The following MAPKBP1 variants were observed in gnomAD, a reference collection of about 807,000 sequenced individuals.
MAPKBP1 encodes mitogen-activated protein kinase-binding protein 1.
MAPKBP1 carries 71 observed loss-of-function variants against 170.5 expected under a neutral mutation model. The observed-to-expected ratio is 0.42, with a 90% CI of 0.34 to 0.51. MAPKBP1 has a LOEUF of 0.51. Ranked by LOEUF, MAPKBP1 falls within the 20% of genes least tolerant of loss-of-function variation. The probability of loss-of-function intolerance (pLI) is 0.06; values close to 1 mark genes in which losing one functional copy is unlikely to be tolerated. For synonymous variants in MAPKBP1, 719 were observed against 757.9 expected, an observed-to-expected ratio of 0.95 and a Z score of 0.84; for missense variants, 1,598 against 1,933.0, an observed-to-expected ratio of 0.83 and a Z score of 3.25.
In MAPKBP1 at chr15:41,817,851, C is replaced by A; in HGVS notation, c.1904+116C>A. ...GTACAGGACTTTGTACCCCCTTGAG[C>A]CTACAGTACTTTGCTTCACCCAAGA... On this transcript the variant is annotated intron_variant, in intron 16 of 30. Transcript: ENST00000457542. The surrounding 1 kb of genome is among the most constrained non-coding windows in gnomAD (Gnocchi z 4.2). 1 of 1,562,686 alleles carries A rather than the reference C, an allele frequency of 6.4e-7. No homozygotes were observed. Among genetic ancestry groups the A allele is most frequent in the Non-Finnish European group, 8.8e-7 (1 of 1,142,364 alleles).
chr15:41,825,612 C>T lies in MAPKBP1; in HGVS notation c.*176C>T. On this transcript the variant is annotated 3_prime_UTR_variant, in exon 31 of 31. Coordinates refer to ENST00000457542, the MANE Select transcript of MAPKBP1 (RefSeq NM_014994.3). ...GGGGCCTGTATTTATTAATTTATTT[C>T]CCTGACTGTTGCCTCACTTCCTTGG... 1.8e-6 allele frequency: 1 copy of T among 548,638 alleles called. No homozygotes were observed. Among genetic ancestry groups the T allele is most frequent in the African/African-American group, 1.9e-5 (1 of 51,746 alleles). 34.0% of individuals were successfully genotyped at this position (548,638 alleles called of 1,614,324 possible).
At position 41,825,433 on chromosome 15, in the gene MAPKBP1, C is replaced by CT. The variant is rs1596103970; in HGVS notation, c.4525dup (p.Ter1509LeufsTer101). On this transcript the variant is annotated frameshift_variant, in exon 31 of 31. Coordinates refer to ENST00000457542, the MANE Select transcript of MAPKBP1 (RefSeq NM_014994.3). LOFTEE classifies it high-confidence loss of function. ...TGGAACGGCGTATGGAACGCAAACT[C>CT]TGAGTTCTGGAAGCCTGTCCCAAGT... 4 of 1,601,256 alleles carry CT rather than the reference C, an allele frequency of 2.5e-6. No homozygotes were observed. The highest frequency in any genetic ancestry group is 3.4e-6 in the Non-Finnish European group (4 of 1,170,832).
intron 22 of MAPKBP1, among the ~76,000 whole-genome samples, chr15:41,820,264 C>T (rs1484841820): frequency 2.6e-5 from 4 of 152,100 alleles, no homozygotes; most frequent in Admixed American, 1.3e-4. Context: ...TCTGGAGCAC[C>T]CTGACCGGGC....
chr15:41,820,228 TCACAG>T (rs2064971832), intron 22 of MAPKBP1, among the ~76,000 whole-genome samples: 1 of 152,102 alleles, frequency 6.6e-6, no homozygotes, highest in Non-Finnish European at 1.5e-5. Flanking sequence ...AGCAACAGTT[TCACAG>T]AGTGATGATG....
chr15:41,822,215 C>T lies in MAPKBP1; in HGVS notation c.3032-10C>T. 1 of 1,609,752 alleles carries T rather than the reference C, an allele frequency of 6.2e-7. No homozygotes were observed. The highest frequency in any genetic ancestry group is 8.5e-7 in the Non-Finnish European group (1 of 1,177,180). On this transcript the variant is annotated splice_polypyrimidine_tract_variant and intron_variant, in intron 25 of 30. Coordinates refer to ENST00000457542, the MANE Select transcript of MAPKBP1 (RefSeq NM_014994.3). Reference sequence around the variant, plus strand: ...GCAGTGCGATGCCTCTCTCCCCTCCCCACACCCAGACTCTGAGAGCACGGA... The same window carrying T: ...GCAGTGCGATGCCTCTCTCCCCTCCTCACACCCAGACTCTGAGAGCACGGA...
Position 41,817,006 on chromosome 15 carries a change from C to T in MAPKBP1, c.1682C>T (p.Ser561Leu), listed in dbSNP as rs2064903280. Reference protein sequence around the residue: ...YSLQQTLDEHSSSITAVKFAA... With the variant: ...YSLQQTLDEHLSSITAVKFAA... ...CTACAGCAGACGCTGGACGAACACT[C>T]ATCCTCCATCACTGCTGTTAAGTTT... Residue 561 changes from serine (S) to leucine (L), a missense_variant, in exon 14 of 31, where the codon TCA (serine) becomes TTA (leucine). Transcript: ENST00000457542. This position sits in a 1 kb window ranked among gnomAD's most constrained non-coding sequence, Gnocchi z 4.2. The T allele has an allele frequency of 6.2e-7, 1 of 1,605,886 alleles. No homozygotes were observed. Among genetic ancestry groups the T allele is most frequent in the Non-Finnish European group, 8.5e-7 (1 of 1,174,142 alleles).
intron 3 of MAPKBP1, among the ~76,000 whole-genome samples, chr15:41,810,033 G>A (rs1016296193): frequency 6.6e-6 from 1 of 152,116 alleles, no homozygotes; most frequent in African/African-American, 2.4e-5. Flanking sequence ...CCCCTGCCTC[G>A]CCTCCCACTT....
intron 2 of MAPKBP1, among the ~76,000 whole-genome samples, chr15:41,779,868 G>A (rs2064155611): frequency 6.6e-6 from 1 of 152,236 alleles, no homozygotes; most frequent in South Asian, 2.1e-4. Flanking sequence ...TAAGGCTTGT[G>A]AAGTGTCTTG....
chr15:41,815,495 GC>G, intron 11 of MAPKBP1, 90 bp downstream of exon 11: 2 of 1,567,528 alleles, frequency 1.3e-6, no homozygotes, highest in Non-Finnish European at 1.7e-6. Flanking sequence ...TGGTCCCTAG[GC>G]CTTGGCCTTC....
In MAPKBP1 at chr15:41,822,015, C is replaced by T; in HGVS notation, c.2936C>T (p.Pro979Leu). The change falls in exon 25 of 31, where the codon CCA becomes CTA. Residue 979 changes from proline to leucine, a missense_variant. Physicochemically the swap from Pro to Leu is moderately conservative, Grantham distance 98. Coordinates refer to ENST00000457542, the MANE Select transcript of MAPKBP1 (RefSeq NM_014994.3). ...PARGTLGRVY[P>L]GSRSSEKHSP... ...CGGGGAACTCTGGGAAGAGTGTACC[C>T]AGGCAGCAGGAGCTCAGAAAAGCAC... 6.2e-7 allele frequency: 1 copy of T among 1,610,176 alleles called. No individual in the cohort carries two copies. The highest frequency in any genetic ancestry group is 1.3e-5 in the African/African-American group (1 of 74,946).
In MAPKBP1 at chr15:41,819,307, GGA is replaced by G; in HGVS notation, c.2356_2357del (p.Glu786ArgfsTer2). ...TCTCTCATCAGACAGTGACAAGGAGGGAGAAGATGAGGGGACTGAAGAAGAAC... is the reference window on the plus strand; with the variant it reads ...TCTCTCATCAGACAGTGACAAGGAGGGAAGATGAGGGGACTGAAGAAGAAC... Reference protein sequence around the residue: ...PALSSDSDKEGEDEGTEEELP... With the variant: ...PALSSDSDKEXEDEGTEEELP... On this transcript the variant is annotated frameshift_variant, in exon 21 of 31. Transcript: ENST00000457542. LOFTEE classifies it high-confidence loss of function. 1 of 1,614,202 alleles carries G rather than the reference GGA, an allele frequency of 6.2e-7. No homozygotes were observed.
chr15:41,786,777 A>AAAAAAAAAAATATAT, intron 2 of MAPKBP1, among the ~76,000 whole-genome samples: 6 of 32,452 alleles, frequency 1.8e-4, no homozygotes, highest in Non-Finnish European at 2.2e-4. Context: ...AAAAAAAAAA[A>AAAAAAAAAAATATAT]ATATATATAT....
At chr15:41,788,731 A>G (rs941086679) in intron 2 of MAPKBP1, among the ~76,000 whole-genome samples, 12 of 152,230 alleles carry the variant, frequency 7.9e-5, no homozygotes, top group Non-Finnish European at 7.3e-5. Flanking sequence ...TAGAATTATG[A>G]GAAGGGCAGA....
intron 2 of MAPKBP1, among the ~76,000 whole-genome samples, chr15:41,799,234 G>A (rs1183137218): frequency 6.6e-6 from 1 of 152,158 alleles, no homozygotes; most frequent in Non-Finnish European, 1.5e-5. Context: ...GTAGAACACA[G>A]CATTAAGCCC....
chr15:41,822,337 G>A lies in MAPKBP1; in HGVS notation c.3144G>A (p.Gly1048=), dbSNP rs374324888. The A allele has an allele frequency of 1.2e-5, 19 of 1,613,926 alleles. No homozygotes were observed. Among genetic ancestry groups the A allele is most frequent in the Non-Finnish European group, 1.4e-5 (17 of 1,180,020 alleles). The part of the protein sequence containing the change: ...EEEEGGMGPY[G]LQEGSPQTPD... ...AGGAGGGAGGCATGGGCCCCTATGG[G>A]CTACAGGAGGGCAGCCCCCAGACTC... Residue 1048 remains glycine (G), a synonymous_variant, in exon 26 of 31, where the codon GGG becomes GGA. Coordinates refer to ENST00000457542, the MANE Select transcript of MAPKBP1 (RefSeq NM_014994.3).
chr15:41,814,730 G>T lies in MAPKBP1; in HGVS notation c.1161G>T (p.Trp387Cys). The part of the protein sequence containing the change: ...YSALYHSSCV[W>C]SVEVYPEVKD... ...CTCTGTATCATTCTTCCTGCGTCTG[G>T]AGTGTGGAGGTATGTGGGCTGGCTG... Residue 387 changes from tryptophan (W) to cysteine (C), a missense_variant, in exon 10 of 31, where the codon TGG becomes TGT. This residue lies in a region of MAPKBP1 where 430 missense variants were observed against 617.2 expected (regional missense o/e 0.70). Transcript: ENST00000457542. The T allele has an allele frequency of 6.2e-7, 1 of 1,614,188 alleles. No homozygotes were observed. The highest frequency in any genetic ancestry group is 8.5e-7 in the Non-Finnish European group (1 of 1,180,006).
intron 3 of MAPKBP1, among the ~76,000 whole-genome samples, chr15:41,806,483 A>G (rs531144204): frequency 2.0e-5 from 3 of 152,258 alleles, no homozygotes; most frequent in African/African-American, 7.2e-5. Flanking sequence ...TAGGAGGTGG[A>G]TCCTATGGGA....
chr15:41,810,867 C>A lies in MAPKBP1; in HGVS notation c.207-16C>A. ...TGTGGTTTGCTGCTGAGCCTGTTGT[C>A]TGCTCATCTCCTCAGGTGTGTGGTT... On this transcript the variant is annotated splice_polypyrimidine_tract_variant and intron_variant, in intron 3 of 30. Transcript: ENST00000457542. 6.2e-7 allele frequency: 1 copy of A among 1,613,762 alleles called. No individual in the cohort carries two copies. The highest frequency in any genetic ancestry group is 1.7e-4 in the Middle Eastern group (1 of 6,058).
Position 41,811,166 on chromosome 15 carries a change from C to T in MAPKBP1, c.270-12C>T. On this transcript the variant is annotated splice_polypyrimidine_tract_variant and intron_variant, in intron 4 of 30. Transcript: ENST00000457542. The stretch of plus-strand genomic sequence containing the variant: ...TGCCAGTGCCCCTCTGAGCCTGCCC[C>T]ATCTCTTGCAGGAAAACCATCACTG... 6.2e-7 allele frequency: 1 copy of T among 1,614,164 alleles called. No individual in the cohort carries two copies.
Sources: allele counts gnomAD v4.1 joint callset (sites outside exome capture counted in the v4.1 genomes callset), GRCh38; gene constraint gnomAD v4.1.1; regional missense constraint gnomAD v4.1.1; non-coding constraint Gnocchi (gnomAD v3.1); transcripts MANE v1.5; gene names NCBI Gene and HGNC (gene_info 2026-07-23, HGNC 2026-07-21).